ADARB2: variants seen among roughly 807,000 people sequenced by gnomAD.
The protein encoded by ADARB2 is adenosine deaminase RNA specific B2 (inactive), also known as inactive double-stranded RNA-specific editase B2.
A neutral mutation model predicts 62.2 loss-of-function variants in ADARB2; 25 were observed. The observed-to-expected ratio is 0.40, with a 90% CI of 0.29 to 0.56. The LOEUF is 0.56. Ranked by LOEUF, ADARB2 falls within the 20% of genes least tolerant of loss-of-function variation. The pLI, the probability that ADARB2 is intolerant of heterozygous loss-of-function variation, is 0.43. For synonymous variants in ADARB2, 572 were observed against 500.8 expected (o/e 1.14, Z -1.90); for missense variants, 1,071 against 1,077.4 (o/e 0.99, Z 0.08).
chr10:1,719,004 C>T (rs7922524), intron 1 of ADARB2, among the ~76,000 whole-genome samples: 1,930 of 151,296 alleles, frequency 0.013, 39 homozygotes, highest in East Asian at 0.085. Context: ...TTTTTTGAGA[C>T]GGCTGGAGTG....
chr10:1,529,968 C>T (rs1832205360), intron 1 of ADARB2, among the ~76,000 whole-genome samples: 2 of 152,342 alleles, frequency 1.3e-5, no homozygotes, highest in African/African-American at 4.8e-5. Context: ...TGTGGGCACC[C>T]ATCCACTGCT....
chr10:1,633,952 G>C (rs994401397), intron 1 of ADARB2, among the ~76,000 whole-genome samples: 1 of 152,118 alleles, frequency 6.6e-6, no homozygotes, highest in Non-Finnish European at 1.5e-5. Context: ...GGCACCTCAC[G>C]AGCCCCATGG....
At chr10:1,554,061 C>G (rs144292898) in intron 1 of ADARB2, among the ~76,000 whole-genome samples, 485 of 152,332 alleles carry the variant, frequency 3.2e-3, no homozygotes, top group Non-Finnish European at 4.7e-3. Context: ...TCCCACAGCC[C>G]AGGGCAGAGA....
intron 1 of ADARB2, among the ~76,000 whole-genome samples, chr10:1,422,422 G>A (rs561502234): frequency 6.6e-6 from 1 of 152,152 alleles, no homozygotes; most frequent in Non-Finnish European, 1.5e-5. Context: ...TTTGGAGACC[G>A]GGGCTGCAGG....
rs369028163 is a variant in ADARB2, at chr10:1,476,942, C to A, written c.101-97782G>T. 9.2e-5 allele frequency among the ~76,000 whole-genome samples: 14 copies of A among 152,240 alleles called. No individual in the cohort carries two copies. In the East Asian group the frequency reaches 1.5e-3, roughly 17 times the overall value. On this transcript the variant is annotated intron_variant, in intron 1 of 9. Transcript: ENST00000381312. ...CGGGAACACTCCTGGCCCACAGGGA[C>A]TTCCTTTCTTAACAATCAGAGACAC...
intron 1 of ADARB2, chr10:1,534,667 A>G (rs749483230): frequency 6.4e-6 from 1 of 156,798 alleles, no homozygotes; most frequent in Non-Finnish European, 1.5e-5. Flanking sequence ...TGCTGCTACC[A>G]ATGCCCGTCT....
chr10:1,624,449 C>T lies in ADARB2; in HGVS notation c.100+112602G>A, dbSNP rs1419908552. Among the ~76,000 whole-genome samples the T allele has an allele frequency of 3.9e-5, 6 of 152,276 alleles. No homozygotes were observed. In the East Asian group the frequency reaches 7.7e-4, roughly 20 times the overall value. On this transcript the variant is annotated intron_variant, in intron 1 of 9. Transcript: ENST00000381312. ...CAGCCCCACAGCTGGGAGCCGAGCA[C>T]GCCCTCCCACCTTGCCTCCCCACCG...
At chr10:1,355,807 A>G (rs549062198) in intron 3 of ADARB2, among the ~76,000 whole-genome samples, 1 of 152,368 alleles carries the variant, frequency 6.6e-6, no homozygotes, top group East Asian at 1.9e-4. Context: ...TTGTATAAAC[A>G]TACATTGTGA....
chr10:1,622,067 C>G (rs962153319), intron 1 of ADARB2, among the ~76,000 whole-genome samples: 3 of 152,146 alleles, frequency 2.0e-5, no homozygotes, highest in Admixed American at 2.0e-4. Flanking sequence ...GCAACTAATT[C>G]CTCCAAAGGT....
rs180859539 is a variant in ADARB2, at chr10:1,429,237, A to G, written c.101-50077T>C. The stretch of plus-strand genomic sequence containing the variant: ...TAATTAAAAATTGTTAAATGCTTAC[A>G]GGGTTATATGAGTTTTATGTTTGCA... On this transcript the variant is annotated intron_variant, in intron 1 of 9. Coordinates refer to ENST00000381312, the MANE Select transcript of ADARB2 (RefSeq NM_018702.4). Among the ~76,000 whole-genome samples, 392 of 152,362 alleles carry G rather than the reference A, an allele frequency of 2.6e-3. 3 individuals are homozygous for G. Among genetic ancestry groups the G allele is most frequent in the Middle Eastern group, 0.024 (7 of 294 alleles).
chr10:1,262,033 A>G (rs957717982), intron 4 of ADARB2, among the ~76,000 whole-genome samples: 1 of 147,396 alleles, frequency 6.8e-6, no homozygotes, highest in African/African-American at 2.6e-5. Context: ...TCAGTAAACT[A>G]TCGCAAGAAC....
At chr10:1,374,943 T>A in intron 2 of ADARB2, among the ~76,000 whole-genome samples, 1 of 148,128 alleles carries the variant, frequency 6.8e-6, no homozygotes, top group Non-Finnish European at 1.5e-5. Flanking sequence ...AGGCAGAGGG[T>A]CTGGAAGCGA....
intron 1 of ADARB2, among the ~76,000 whole-genome samples, chr10:1,623,289 C>A (rs141648469): frequency 1.3e-5 from 2 of 152,296 alleles, no homozygotes; most frequent in African/African-American, 4.8e-5. Flanking sequence ...GGTGGTCATG[C>A]AGCTCAACAC....
intron 1 of ADARB2, among the ~76,000 whole-genome samples, chr10:1,570,479 G>A (rs34398490): frequency 0.036 from 5,501 of 152,240 alleles, 332 homozygotes; most frequent in African/African-American, 0.12. Flanking sequence ...CGGCAGGAAA[G>A]GCCTCCCTCC....
At chr10:1,260,163 G>T (rs1831122413) in intron 4 of ADARB2, among the ~76,000 whole-genome samples, 1 of 152,088 alleles carries the variant, frequency 6.6e-6, no homozygotes, top group African/African-American at 2.4e-5. Flanking sequence ...AAAATAATAA[G>T]AGCTATCTAT....
chr10:1,641,816 C>T (rs1051235189), intron 1 of ADARB2, among the ~76,000 whole-genome samples: 1 of 152,160 alleles, frequency 6.6e-6, no homozygotes, highest in African/African-American at 2.4e-5. Context: ...AGTTTGAGAC[C>T]AGCCTGGCCA....
intron 1 of ADARB2, among the ~76,000 whole-genome samples, chr10:1,513,917 G>C (rs1355195672): frequency 6.6e-6 from 1 of 151,838 alleles, no homozygotes; most frequent in Non-Finnish European, 1.5e-5. Context: ...ATGAAGCTGT[G>C]TATAAACAAA....
intron 1 of ADARB2, among the ~76,000 whole-genome samples, chr10:1,607,856 C>T (rs1265300669): frequency 1.3e-5 from 2 of 152,186 alleles, no homozygotes; most frequent in Admixed American, 1.3e-4. Context: ...CTCCAGGCCT[C>T]GCATGAACTT....
intron 1 of ADARB2, among the ~76,000 whole-genome samples, chr10:1,496,032 A>C (rs189303792): frequency 6.7e-6 from 1 of 149,826 alleles, no homozygotes; most frequent in South Asian, 2.1e-4. Flanking sequence ...ATTAGTATCA[A>C]CCTCATCACT....
Sources: allele counts gnomAD v4.1 joint callset (sites outside exome capture counted in the v4.1 genomes callset), GRCh38; gene constraint gnomAD v4.1.1; transcripts MANE v1.5; gene names NCBI Gene and HGNC (gene_info 2026-07-23, HGNC 2026-07-21).